Variants in RBM22 observed in about 807,000 individuals in gnomAD.
The protein encoded by RBM22 is RNA binding motif protein 22.
RBM22 carries 1 observed loss-of-function variant against 50.1 expected under a neutral mutation model. That is an observed-to-expected ratio of 0.02 (90% confidence interval 0.01 to 0.09). The LOEUF (loss-of-function observed/expected upper bound fraction) is 0.09, where lower values mean the gene tolerates loss of function less well. Ranked by LOEUF, RBM22 falls within the 10% of genes least tolerant of loss-of-function variation. The pLI is 1.00. For missense variants in RBM22, 264 were observed against 529.3 expected, an observed-to-expected ratio of 0.50 and a Z score of 4.92; for synonymous variants, 152 against 179.0, an observed-to-expected ratio of 0.85 and a Z score of 1.20.
rs368933280 is a variant in RBM22, at chr5:150,696,723, A to C, written c.373-18T>G. The C allele has an allele frequency of 2.8e-5, 45 of 1,614,064 alleles. No individual in the cohort carries two copies. The highest frequency in any genetic ancestry group is 3.8e-5 in the Non-Finnish European group (45 of 1,179,918). On this transcript the variant is annotated intron_variant, in intron 5 of 10. Coordinates refer to ENST00000199814, the MANE Select transcript of RBM22 (RefSeq NM_018047.3). This position sits in a 1 kb window ranked among gnomAD's most constrained non-coding sequence, Gnocchi z 4.3. ...TTAGAAATCTAAGTGGGGATGACAA[A>C]TTCAAAAGATAAATTATACAGACTG... is the stretch of plus-strand genomic sequence containing the variant.
intron 10 of RBM22, 91 bp downstream of exon 10, chr5:150,692,804 A>G: frequency 7.4e-7 from 1 of 1,352,864 alleles, no homozygotes; most frequent in Non-Finnish European, 1.0e-6. Flanking sequence ...GCAAACTCAC[A>G]GGATTTGGAT....
chr5:150,693,178 G>A (rs1190546011), intron 9 of RBM22, 41 bp downstream of exon 9: 1 of 1,580,730 alleles, frequency 6.3e-7, no homozygotes, highest in South Asian at 1.1e-5. Context: ...GAACATCAGG[G>A]CAGAAAGAGC....
intron 3 of RBM22, 145 bp downstream of exon 3, chr5:150,699,097 G>C (rs917676209): frequency 3.0e-5 from 35 of 1,169,762 alleles, no homozygotes; most frequent in Non-Finnish European, 4.0e-5. Flanking sequence ...ACAGTTGCCA[G>C]CCAATGAATA....
At chr5:150,693,977 ATT>A in intron 8 of RBM22, 97 bp downstream of exon 8, 1 of 1,423,732 alleles carries the variant, frequency 7.0e-7, no homozygotes, top group Non-Finnish European at 9.6e-7. Context: ...GATCCTGTTC[ATT>A]TAAGCCTGTT....
chr5:150,699,731 C>T (rs972469101), intron 2 of RBM22, among the ~76,000 whole-genome samples: 4 of 152,240 alleles, frequency 2.6e-5, no homozygotes, highest in African/African-American at 9.6e-5. Context: ...CAAGAACTAA[C>T]ATTCCTAATG....
In RBM22 at chr5:150,693,037, GA is replaced by G; in HGVS notation, c.1001-12del. ...GAGGAGGAGGAAGAGCTGGAGGAGAGAAAATAGTCAACACATAGAGGGGAGA... is the reference window on the plus strand; with the variant it reads ...GAGGAGGAGGAAGAGCTGGAGGAGAGAAATAGTCAACACATAGAGGGGAGA... On this transcript the variant is annotated splice_polypyrimidine_tract_variant and intron_variant, in intron 9 of 10. Transcript: ENST00000199814. The G allele has an allele frequency of 6.2e-7, 1 of 1,601,340 alleles. No individual in the cohort carries two copies. The highest frequency in any genetic ancestry group is 8.5e-7 in the Non-Finnish European group (1 of 1,174,784).
In RBM22 at chr5:150,700,628, C is replaced by G. The variant is rs763021974; in HGVS notation, c.55-131G>C. Reference sequence around the variant, plus strand: ...CACGGCAGGAACCCGAAGTCCATCACGACCCGATCGCGGGAGGGGGCGCTG... The same window carrying G: ...CACGGCAGGAACCCGAAGTCCATCAGGACCCGATCGCGGGAGGGGGCGCTG... On this transcript the variant is annotated intron_variant, in intron 1 of 10. Coordinates refer to ENST00000199814, the MANE Select transcript of RBM22 (RefSeq NM_018047.3). 76 of 1,542,134 alleles carry G rather than the reference C, an allele frequency of 4.9e-5. No individual in the cohort carries two copies. The African/African-American group carries it at 8.6e-4, about 17-fold the overall frequency.
At chr5:150,700,379 C>T (rs1238185714) in intron 2 of RBM22, 65 bp downstream of exon 2, 3 of 1,464,268 alleles carry the variant, frequency 2.0e-6, no homozygotes, top group Admixed American at 3.5e-5. Context: ...AGAAACACTT[C>T]ACAGTGTGCA....
chr5:150,700,916 C>T lies in RBM22; in HGVS notation c.54+16G>A, dbSNP rs1759341288. 1 of 1,614,208 alleles carries T rather than the reference C, an allele frequency of 6.2e-7. No individual in the cohort carries two copies. The highest frequency in any genetic ancestry group is 8.5e-7 in the Non-Finnish European group (1 of 1,180,032). ...TTCGCCTCCTCCTTCCATCCTCCTC[C>T]GGCAGGCACACTCACCGCATCCTCC... On this transcript the variant is annotated intron_variant, in intron 1 of 10. Coordinates refer to ENST00000199814, the MANE Select transcript of RBM22 (RefSeq NM_018047.3).
Position 150,691,741 on chromosome 5 carries a change from T to C in RBM22, c.*10A>G. ...TTTCTTCCACAGAGCCCCAGAGTGG[T>C]GACAAGGTGCTAGGGGCTGCTGTGT... On this transcript the variant is annotated 3_prime_UTR_variant, in exon 11 of 11. Coordinates refer to ENST00000199814, the MANE Select transcript of RBM22 (RefSeq NM_018047.3). 1 of 1,540,218 alleles carries C rather than the reference T, an allele frequency of 6.5e-7. No individual in the cohort carries two copies. The highest frequency in any genetic ancestry group is 8.7e-7 in the Non-Finnish European group (1 of 1,143,448).
In RBM22 at chr5:150,691,631, A is replaced by T; in HGVS notation, c.*120T>A. The T allele has an allele frequency of 8.1e-7, 1 of 1,227,136 alleles. No individual in the cohort carries two copies. The highest frequency in any genetic ancestry group is 3.0e-4 in the Middle Eastern group (1 of 3,342). The allele number at this position is 1,227,136 out of a possible 1,614,324, so 76.0% of individuals were successfully genotyped here. On this transcript the variant is annotated 3_prime_UTR_variant, in exon 11 of 11. Transcript: ENST00000199814. Reference sequence around the variant, plus strand: ...TGGCTGTCAGTCTCTGACTGCTCACATCTGAGCACATTCAGCTACCATGGA... The same window carrying T: ...TGGCTGTCAGTCTCTGACTGCTCACTTCTGAGCACATTCAGCTACCATGGA...
rs754166152 is a variant in RBM22 at position 150,693,007 on chromosome 5, T to C, written c.1020A>G (p.Ala340=). 6.8e-6 allele frequency: 11 copies of C among 1,611,462 alleles called. No homozygotes were observed. The African/African-American group carries it at 1.5e-4, about 22-fold the overall frequency. ...GLPGALPPPP[A]AEEEASANYF... is the part of the protein sequence containing the mutation. ...AGTTGGCAGAGGCTTCTTCTTCTGC[T>C]GCAGGAGGAGGAGGAAGAGCTGGAG... The change falls in exon 10 of 11, where the codon GCA becomes GCG. Residue 340 remains alanine, a synonymous_variant. Coordinates refer to ENST00000199814, the MANE Select transcript of RBM22 (RefSeq NM_018047.3).
intron 8 of RBM22, 85 bp from the exon 9 acceptor site, chr5:150,693,392 T>C: frequency 9.5e-7 from 1 of 1,054,920 alleles, no homozygotes; most frequent in Admixed American, 1.9e-5. Flanking sequence ...TCCAATGGAG[T>C]TCCTTCGCTC....
intron 4 of RBM22, 145 bp from the exon 5 acceptor site, chr5:150,697,036 A>G: frequency 1.3e-6 from 1 of 768,576 alleles, no homozygotes; most frequent in Non-Finnish European, 2.1e-6. Flanking sequence ...CAAACTCTTT[A>G]GCACCATCAG....
Position 150,699,868 on chromosome 5 carries a change from A to C in RBM22, c.108+576T>G, listed in dbSNP as rs565072867. 3.3e-5 allele frequency among the ~76,000 whole-genome samples: 5 copies of C among 152,376 alleles called. No individual in the cohort carries two copies. The East Asian group carries it at 9.6e-4, about 29-fold the overall frequency. On this transcript the variant is annotated intron_variant, in intron 2 of 10. Transcript: ENST00000199814. ...CCGGAATATAGTAAATGTTCTGTTT[A>C]AACAGAACTATTCAAACATCTTGAA...
intron 2 of RBM22, 120 bp from the exon 3 acceptor site, chr5:150,699,391 A>G: frequency 1.5e-6 from 2 of 1,364,220 alleles, no homozygotes; most frequent in Non-Finnish European, 1.9e-6. Flanking sequence ...TCCTAGAGAG[A>G]GAAAAACAGC....
chr5:150,697,860 A>C, intron 4 of RBM22: 3 of 209,198 alleles, frequency 1.4e-5, no homozygotes. Context: ...CAGTTCTAAC[A>C]ACACAATTGA....
chr5:150,692,306 G>C (rs1186741346), intron 10 of RBM22, among the ~76,000 whole-genome samples: 3 of 152,176 alleles, frequency 2.0e-5, no homozygotes, highest in African/African-American at 7.2e-5. Context: ...CAGGAGAACT[G>C]GCTACCTGTG....
chr5:150,698,481 T>C lies in RBM22; in HGVS notation c.271+18A>G, dbSNP rs1759305880. Reference sequence around the variant, plus strand: ...GGCACCTGCACACTTTCAGATTTATTGGACAGGTCAAACATACCATACTCT... The same window carrying C: ...GGCACCTGCACACTTTCAGATTTATCGGACAGGTCAAACATACCATACTCT... On this transcript the variant is annotated intron_variant, in intron 4 of 10. Coordinates refer to ENST00000199814, the MANE Select transcript of RBM22 (RefSeq NM_018047.3). 1 of 1,612,250 alleles carries C rather than the reference T, an allele frequency of 6.2e-7. No homozygotes were observed.
Sources: allele counts gnomAD v4.1 joint callset (sites outside exome capture counted in the v4.1 genomes callset), GRCh38; gene constraint gnomAD v4.1.1; non-coding constraint Gnocchi (gnomAD v3.1); transcripts MANE v1.5; gene names NCBI Gene and HGNC (gene_info 2026-07-23, HGNC 2026-07-21).